Variants in SLC4A4 observed in about 807,000 individuals in gnomAD.
SLC4A4 encodes electrogenic sodium bicarbonate cotransporter 1.
SLC4A4 carries 27 observed loss-of-function variants against 111.5 expected under a neutral mutation model. That is an observed-to-expected ratio of 0.24 (90% CI 0.18 to 0.33). The LOEUF is 0.33. SLC4A4 is among the 10% of genes least tolerant of loss of function. The probability of loss-of-function intolerance (pLI) is 1.00; values close to 1 mark genes in which losing one functional copy is unlikely to be tolerated. For missense variants in SLC4A4, 909 were observed against 1,315.5 expected, an observed-to-expected ratio of 0.69 and a Z score of 4.78; for synonymous variants, 443 against 463.4, an observed-to-expected ratio of 0.96 and a Z score of 0.57.
intron 2 of SLC4A4, among the ~76,000 whole-genome samples, chr4:71,097,774 T>C (rs2171193): frequency 0.94 from 143,172 of 152,260 alleles, 67,577 homozygotes; most frequent in East Asian, 1. Flanking sequence ...TTCTAACAAT[T>C]AGTGACATAG....
chr4:71,565,029 G>C (rs1578198256), intron 24 of SLC4A4, among the ~76,000 whole-genome samples: 1 of 151,406 alleles, frequency 6.6e-6, no homozygotes, highest in East Asian at 2.0e-4. Context: ...TTTCCAGGAA[G>C]AAATGAAAGG....
intron 7 of SLC4A4, among the ~76,000 whole-genome samples, chr4:71,403,929 T>C (rs909657121): frequency 1.6e-4 from 25 of 152,132 alleles, no homozygotes; most frequent in Non-Finnish European, 2.6e-4. Flanking sequence ...CACAGACCCA[T>C]AAGAGCCCAT....
rs2012933 is a variant in SLC4A4 at position 71,133,304 on chromosome 4, A to G, written c.-2+40512A>G. Among the ~76,000 whole-genome samples the G allele has an allele frequency of 7.3e-3, 1,117 of 152,304 alleles. 9 individuals carry two copies. Among genetic ancestry groups the G allele is most frequent in the South Asian group, 0.014 (67 of 4,824 alleles). On this transcript the variant is annotated intron_variant, in intron 2 of 26. Transcript: ENST00000649996. ...TACCGTATGTTTTAGTTATCTGTTC[A>G]CCATGAAACTCTGGTTTAAACAACA...
intron 18 of SLC4A4, among the ~76,000 whole-genome samples, chr4:71,542,086 C>G (rs942893322): frequency 6.6e-6 from 1 of 152,008 alleles, no homozygotes; most frequent in Non-Finnish European, 1.5e-5. Context: ...GGTCTCATGG[C>G]AATAGTTTGG....
chr4:71,175,278 C>T (rs572145176), intron 2 of SLC4A4, among the ~76,000 whole-genome samples: 55 of 152,310 alleles, frequency 3.6e-4, no homozygotes, highest in African/African-American at 1.2e-3. Flanking sequence ...ACGCAGAAGA[C>T]GGGTGATTTC....
upstream of SLC4A4, chr4:71,186,887 A>C (rs1745472437): frequency 6.6e-6 from 1 of 152,400 alleles, no homozygotes; most frequent in Non-Finnish European, 1.5e-5. Context: ...AGAGATCCCC[A>C]TAAATATGCA....
intron 1 of SLC4A4, among the ~76,000 whole-genome samples, chr4:71,071,862 T>A (rs967029159): frequency 1.3e-5 from 2 of 152,236 alleles, no homozygotes; most frequent in Admixed American, 1.3e-4. Flanking sequence ...TCCTTGTGCA[T>A]ATCTTTTTCA....
At chr4:71,240,210 G>A (rs1720099538) in intron 2 of SLC4A4, among the ~76,000 whole-genome samples, 1 of 152,184 alleles carries the variant, frequency 6.6e-6, no homozygotes, top group Admixed American at 6.5e-5. Context: ...AAGCCAGCCA[G>A]AATTTTGGAT....
intron 9 of SLC4A4, among the ~76,000 whole-genome samples, chr4:71,449,120 G>A (rs559857273): frequency 2.6e-5 from 4 of 152,216 alleles, no homozygotes; most frequent in South Asian, 2.1e-4. Context: ...TTAACATAAC[G>A]GCTTAATGAT....
chr4:71,446,344 T>C (rs986707735), intron 8 of SLC4A4, among the ~76,000 whole-genome samples: 2 of 152,168 alleles, frequency 1.3e-5, no homozygotes, highest in Admixed American at 6.5e-5. Context: ...TCTGGTACCA[T>C]AAAAATCTTA....
chr4:71,177,047 T>G (rs1032305663), intron 2 of SLC4A4, among the ~76,000 whole-genome samples: 1 of 152,174 alleles, frequency 6.6e-6, no homozygotes, highest in Non-Finnish European at 1.5e-5. Context: ...GAAAAGAATT[T>G]TCAACACAGA....
chr4:71,323,569 C>T (rs923480545), intron 3 of SLC4A4, among the ~76,000 whole-genome samples: 3 of 151,838 alleles, frequency 2.0e-5, no homozygotes, highest in African/African-American at 7.3e-5. Flanking sequence ...GCAGATATGC[C>T]CTGGTGGTTA....
chr4:71,558,765 G>A (rs535988612), intron 22 of SLC4A4, among the ~76,000 whole-genome samples: 56 of 151,132 alleles, frequency 3.7e-4, no homozygotes, highest in African/African-American at 1.1e-3. Context: ...AATTTTTTTC[G>A]TCCAAGGATG....
chr4:71,071,882 A>T (rs532070594), intron 1 of SLC4A4, among the ~76,000 whole-genome samples: 3 of 152,216 alleles, frequency 2.0e-5, no homozygotes, highest in Admixed American at 6.5e-5. Flanking sequence ...ATATGTGTCA[A>T]TAGATGTATG....
intron 1 of SLC4A4, among the ~76,000 whole-genome samples, chr4:71,067,455 T>C (rs564519791): frequency 1.3e-5 from 2 of 152,216 alleles, no homozygotes; most frequent in South Asian, 4.1e-4. Flanking sequence ...GATTATTGGC[T>C]ATTTTGTTCT....
chr4:71,400,254 A>G (rs534849239), intron 7 of SLC4A4, among the ~76,000 whole-genome samples: 27 of 152,340 alleles, frequency 1.8e-4, no homozygotes, highest in South Asian at 1.0e-3. Context: ...ATCTGGGCAT[A>G]TGCAGAAGAA....
intron 8 of SLC4A4, 59 bp downstream of exon 8, chr4:71,440,832 C>T (rs1417119067): frequency 6.4e-7 from 1 of 1,553,290 alleles, no homozygotes; most frequent in East Asian, 2.2e-5. Flanking sequence ...TCCTCCCATT[C>T]AGGCTGGAGA....
chr4:71,062,780 A>G (rs1377246721), exon 1 of SLC4A4, among the ~76,000 whole-genome samples: 1 of 152,226 alleles, frequency 6.6e-6, no homozygotes, highest in Non-Finnish European at 1.5e-5. Flanking sequence ...AATTTGAAGG[A>G]CATTGACTGT....
intron 2 of SLC4A4, among the ~76,000 whole-genome samples, chr4:71,147,103 A>G (rs1169920524): frequency 1.3e-5 from 2 of 152,140 alleles, no homozygotes; most frequent in Non-Finnish European, 2.9e-5. Context: ...TCTCAGATAA[A>G]ACAGACTTTA....
Sources: gnomAD v4.1 joint callset for allele counts (sites outside exome capture counted in the v4.1 genomes callset) on GRCh38, gnomAD v4.1.1 for gene constraint, MANE v1.5 for transcripts, NCBI Gene and HGNC (gene_info 2026-07-23, HGNC 2026-07-21) for gene names.